Variants in LINC00305 observed in about 807,000 individuals in gnomAD.
LINC00305 encodes long intergenic non-protein coding RNA 305.
Position 64,080,291 on chromosome 18 carries a change from C to T in LINC00305, n.652G>A, listed in dbSNP as rs570447062. ...TCTCTGTTTTCAAAGAAACAGAAAA[C>T]GTCATCCAGCTTAGTGATCTCCTTT... On this transcript the variant is annotated non_coding_transcript_exon_variant, in exon 4 of 4. Coordinates refer to ENST00000666468, the Ensembl canonical transcript of LINC00305. 34 of 456,938 alleles carry T rather than the reference C, an allele frequency of 7.4e-5. 1 individual carries two copies. The highest frequency in any genetic ancestry group is 3.5e-4 in the Admixed American group (15 of 42,430). 28.3% of individuals were successfully genotyped at this position (456,938 alleles called of 1,614,324 possible). A position where few individuals can be genotyped will look rare whatever the true frequency, so the allele number is the denominator to read the frequency against.
intron 3 of LINC00305, among the ~76,000 whole-genome samples, chr18:64,089,756 G>A (rs2051217727): frequency 6.6e-6 from 1 of 152,218 alleles, no homozygotes; most frequent in Non-Finnish European, 1.5e-5. Context: ...AAGGCAAGGA[G>A]GAGCAAGTCG....
intron 1 of LINC00305, among the ~76,000 whole-genome samples, chr18:64,143,583 T>TACATATGTACACATATGTATATGC: frequency 1.1e-5 from 1 of 89,274 alleles, no homozygotes; most frequent in African/African-American, 5.5e-5. Context: ...TATGTATATG[T>TACATATGTACACATATGTATATGC]ACATATGTAC....
At chr18:64,100,634 A>G (rs2051264489) in intron 1 of LINC00305, among the ~76,000 whole-genome samples, 1 of 152,268 alleles carries the variant, frequency 6.6e-6, no homozygotes, top group Admixed American at 6.5e-5. Context: ...CTTGAAATCA[A>G]AAATAAATGT....
intron 1 of LINC00305, among the ~76,000 whole-genome samples, chr18:64,113,168 A>G (rs2051322569): frequency 6.6e-6 from 1 of 152,238 alleles, no homozygotes; most frequent in South Asian, 2.1e-4. Flanking sequence ...AGGCAGAGGC[A>G]TCACAAGCGT....
intron 3 of LINC00305, among the ~76,000 whole-genome samples, chr18:64,095,277 T>C (rs1391553248): frequency 2.0e-5 from 3 of 152,110 alleles, no homozygotes; most frequent in Admixed American, 6.5e-5. Context: ...CTCAAGGATG[T>C]GTAAATAGAA....
chr18:64,083,137 A>G (rs1019029316), intron 3 of LINC00305, among the ~76,000 whole-genome samples: 1 of 151,366 alleles, frequency 6.6e-6, no homozygotes, highest in African/African-American at 2.4e-5. Context: ...TGTATTTTTT[A>G]CTCCCCTCCC....
intron 1 of LINC00305, among the ~76,000 whole-genome samples, chr18:64,122,397 T>C (rs2051365868): frequency 6.6e-6 from 1 of 152,132 alleles, no homozygotes; most frequent in African/African-American, 2.4e-5. Context: ...TTCACTTTTC[T>C]GCATATGATG....
chr18:64,102,518 A>G (rs571834246), intron 1 of LINC00305, among the ~76,000 whole-genome samples: 1 of 152,306 alleles, frequency 6.6e-6, no homozygotes, highest in East Asian at 1.9e-4. Context: ...GACATACCCA[A>G]ATGCCAGAAA....
In LINC00305 at chr18:64,095,188, A is replaced by T. The variant is rs558467815; in HGVS notation, n.540+2646T>A. Among the ~76,000 whole-genome samples, 271 of 152,264 alleles carry T rather than the reference A, an allele frequency of 1.8e-3. 2 individuals carry two copies. The highest frequency in any genetic ancestry group is 6.3e-3 in the African/African-American group (260 of 41,568). On this transcript the variant is annotated intron_variant and non_coding_transcript_variant, in intron 3 of 3. Transcript: ENST00000666468. The stretch of plus-strand genomic sequence containing the variant: ...AGAGGCGATTTCTAACAGCAAGCAG[A>T]TGGATAGTGAGGAGACACAGGGACA...
intron 3 of LINC00305, among the ~76,000 whole-genome samples, chr18:64,094,816 T>C (rs910099314): frequency 6.7e-6 from 1 of 149,104 alleles, no homozygotes; most frequent in Non-Finnish European, 1.5e-5. Flanking sequence ...TGAGCTGCAC[T>C]GTACTCCAGC....
chr18:64,110,420 G>C (rs1037380012), intron 1 of LINC00305, among the ~76,000 whole-genome samples: 4 of 152,118 alleles, frequency 2.6e-5, no homozygotes, highest in Admixed American at 6.6e-5. Flanking sequence ...CTCTACAACC[G>C]GATGATAGTA....
At chr18:64,128,467 C>T (rs1385745734) in intron 1 of LINC00305, among the ~76,000 whole-genome samples, 1 of 152,044 alleles carries the variant, frequency 6.6e-6, no homozygotes, top group Non-Finnish European at 1.5e-5. Context: ...TAAAGCTTCA[C>T]AACTACAGTC....
chr18:64,129,831 G>T (rs1599225851), intron 1 of LINC00305, among the ~76,000 whole-genome samples: 1 of 152,062 alleles, frequency 6.6e-6, no homozygotes, highest in African/African-American at 2.4e-5. Context: ...TTATTTTGTA[G>T]AATTGGTAAA....
intron 1 of LINC00305, among the ~76,000 whole-genome samples, chr18:64,132,888 C>T (rs1372204423): frequency 1.3e-5 from 2 of 152,204 alleles, no homozygotes; most frequent in Non-Finnish European, 2.9e-5. Flanking sequence ...ACCATCCCAG[C>T]ATGACTTCAC....
chr18:64,105,110 T>A (rs1028340415), intron 1 of LINC00305, among the ~76,000 whole-genome samples: 6 of 152,124 alleles, frequency 3.9e-5, no homozygotes, highest in African/African-American at 1.4e-4. Flanking sequence ...GACAGTTTTT[T>A]ATTTTTCTGC....
chr18:64,112,721 G>C (rs1328094304), intron 1 of LINC00305, among the ~76,000 whole-genome samples: 1 of 152,004 alleles, frequency 6.6e-6, no homozygotes, highest in African/African-American at 2.4e-5. Flanking sequence ...TCTAACCTGG[G>C]TGTCTTTCTC....
chr18:64,112,289 C>T (rs867630855), intron 1 of LINC00305, among the ~76,000 whole-genome samples: 30 of 146,182 alleles, frequency 2.1e-4, no homozygotes, highest in Non-Finnish European at 4.0e-4. Context: ...CTACACGCTG[C>T]GATTTAAGAA....
intron 1 of LINC00305, chr18:64,127,240 A>G (rs1462157280): frequency 2.0e-5 from 3 of 152,100 alleles, no homozygotes; most frequent in Non-Finnish European, 4.4e-5. Context: ...TATACTTTCT[A>G]TAGTTCTGCT....
At chr18:64,101,671 A>G (rs999754438) in intron 1 of LINC00305, among the ~76,000 whole-genome samples, 1 of 152,186 alleles carries the variant, frequency 6.6e-6, no homozygotes, top group Non-Finnish European at 1.5e-5. Context: ...ATCAGGTCAC[A>G]TTCTGAGGCT....
Sources: gnomAD v4.1 joint callset for allele counts (sites outside exome capture counted in the v4.1 genomes callset) on GRCh38, gnomAD v4.1.1 for gene constraint, MANE v1.5 for transcripts, NCBI Gene and HGNC (gene_info 2026-07-23, HGNC 2026-07-21) for gene names.